The following SLC26A5 variants were observed in gnomAD, a reference collection of about 807,000 sequenced individuals.
SLC26A5 encodes solute carrier family 26 member 5.
SLC26A5 carries 51 observed loss-of-function variants against 81.0 expected under a neutral mutation model. The ratio of observed to expected loss-of-function variants is 0.63; its 90% CI spans 0.50 to 0.80. The LOEUF (loss-of-function observed/expected upper bound fraction) is 0.80, where lower values mean the gene tolerates loss of function less well. Ranked by LOEUF, SLC26A5 falls within the 30% of genes least tolerant of loss-of-function variation. The probability of loss-of-function intolerance (pLI) is 0.00; values close to 1 mark genes in which losing one functional copy is unlikely to be tolerated. For missense variants in SLC26A5, 771 were observed against 905.8 expected, an observed-to-expected ratio of 0.85 and a Z score of 1.91; for synonymous variants, 325 against 332.8, an observed-to-expected ratio of 0.98 and a Z score of 0.25.
At chr7:103,382,884 G>A (rs1821912847) in intron 14 of SLC26A5, among the ~76,000 whole-genome samples, 1 of 152,182 alleles carries the variant, frequency 6.6e-6, no homozygotes. Flanking sequence ...CTTGCCAGAG[G>A]CAGAATATGG....
chr7:103,406,310 G>T (rs1157987398), intron 8 of SLC26A5, among the ~76,000 whole-genome samples: 1 of 152,188 alleles, frequency 6.6e-6, no homozygotes, highest in Admixed American at 6.5e-5. Context: ...TCTTGGTGGT[G>T]TAGGCACCCA....
intron 19 of SLC26A5, chr7:103,362,616 A>G: frequency 1.3e-6 from 2 of 1,491,548 alleles, no homozygotes; most frequent in Non-Finnish European, 9.3e-7. Context: ...TTTGGGGATA[A>G]AGGACTAAAC....
chr7:103,421,687 G>T (rs577108408), intron 2 of SLC26A5, 120 bp from the exon 3 acceptor site: 1 of 676,148 alleles, frequency 1.5e-6, no homozygotes, highest in Non-Finnish European at 2.6e-6. Flanking sequence ...CGCCCCAGAG[G>T]ACCTAATGTA....
intron 4 of SLC26A5, among the ~76,000 whole-genome samples, chr7:103,415,824 C>G (rs1824861315): frequency 6.6e-6 from 1 of 152,124 alleles, no homozygotes; most frequent in South Asian, 2.1e-4. Context: ...TTCTCTCAGT[C>G]TGAAAACACA....
At position 103,361,510 on chromosome 7, in the gene SLC26A5, CAAAAAAAAAAAA is replaced by C. The variant is rs759044767; in HGVS notation, c.2042-8596_2042-8585del. On this transcript the variant is annotated intron_variant, in intron 19 of 19. Coordinates refer to the SLC26A5 transcript ENST00000339444. ...GGGCAACAAGAGTGAAACTCCATCTCAAAAAAAAAAAAAAAAAAAAAAAGAAAAACGGATTTA... is the reference window on the plus strand; with the variant it reads ...GGGCAACAAGAGTGAAACTCCATCTCAAAAAAAAAAAGAAAAACGGATTTA... Among the ~76,000 whole-genome samples, 7 of 51,076 alleles carry C rather than the reference CAAAAAAAAAAAA, an allele frequency of 1.4e-4. No homozygotes were observed. The South Asian group carries it at 2.5e-3, about 19-fold the overall frequency. The allele number at this position is 51,076 out of a possible 152,430, so 33.5% of individuals were successfully genotyped here.
intron 9 of SLC26A5, among the ~76,000 whole-genome samples, chr7:103,397,711 C>T (rs1033333485): frequency 4.8e-5 from 5 of 103,494 alleles, no homozygotes; most frequent in African/African-American, 9.6e-5. Flanking sequence ...AGTGAGACTT[C>T]GTCTCAAAAA....
At chr7:103,371,426 G>A (rs1049229058), downstream of SLC26A5, among the ~76,000 whole-genome samples, 6 of 145,348 alleles carry the variant, frequency 4.1e-5, no homozygotes, top group Admixed American at 4.2e-4. Flanking sequence ...CCGGGTTCAC[G>A]CCATTCTCCT....
At chr7:103,378,079 A>T (rs531809412) in intron 17 of SLC26A5, among the ~76,000 whole-genome samples, 6 of 152,146 alleles carry the variant, frequency 3.9e-5, no homozygotes, top group Non-Finnish European at 8.8e-5. Context: ...ATTTTCTGCT[A>T]AAGTCTAAAA....
intron 19 of SLC26A5, among the ~76,000 whole-genome samples, chr7:103,357,814 C>T (rs917992735): frequency 4.0e-5 from 6 of 148,564 alleles, no homozygotes; most frequent in African/African-American, 1.6e-4. Context: ...ATGAACTCAA[C>T]CTCCCACTTT....
At chr7:103,389,847 C>T (rs1350519891) in intron 12 of SLC26A5, among the ~76,000 whole-genome samples, 1 of 152,082 alleles carries the variant, frequency 6.6e-6, no homozygotes, top group African/African-American at 2.4e-5. Context: ...AGGCTGGTCT[C>T]GAACTCCTAA....
chr7:103,378,342 T>G (rs1435137806), intron 17 of SLC26A5, 104 bp downstream of exon 17: 2 of 1,159,354 alleles, frequency 1.7e-6, no homozygotes, highest in African/African-American at 3.0e-5. Flanking sequence ...TAAACTTTCC[T>G]CTTTTAGTAA....
chr7:103,390,993 G>A (rs1822599426), intron 11 of SLC26A5, among the ~76,000 whole-genome samples: 1 of 151,748 alleles, frequency 6.6e-6, no homozygotes, highest in Non-Finnish European at 1.5e-5. Context: ...AGCCTCCCAA[G>A]TAGCTGGGAC....
intron 18 of SLC26A5, 57 bp from the exon 19 acceptor site, chr7:103,376,919 C>A: frequency 1.7e-6 from 2 of 1,176,470 alleles, no homozygotes; most frequent in South Asian, 2.5e-5. Context: ...AGATGAAAGT[C>A]TCTTTTTACC....
chr7:103,444,425 C>T (rs527815605), intron 1 of SLC26A5, among the ~76,000 whole-genome samples: 1 of 152,312 alleles, frequency 6.6e-6, no homozygotes, highest in East Asian at 1.9e-4. Context: ...GGGGGCAACA[C>T]ATGATATTTA....
chr7:103,439,560 G>C (rs1283323995), intron 2 of SLC26A5, among the ~76,000 whole-genome samples: 1 of 120,786 alleles, frequency 8.3e-6, no homozygotes, highest in Non-Finnish European at 1.6e-5. Flanking sequence ...TTGAGACAGA[G>C]TCTCACTCTG....
intron 2 of SLC26A5, among the ~76,000 whole-genome samples, chr7:103,434,464 T>G (rs1037508863): frequency 3.3e-5 from 5 of 152,170 alleles, no homozygotes; most frequent in African/African-American, 1.2e-4. Context: ...AACCTCACAC[T>G]TTTCCTCAAC....
downstream of SLC26A5, among the ~76,000 whole-genome samples, chr7:103,369,966 T>C (rs1189468739): frequency 6.6e-6 from 1 of 152,164 alleles, no homozygotes; most frequent in African/African-American, 2.4e-5. Context: ...AGGTGGAGTT[T>C]TAAGATGCTC....
chr7:103,374,944 T>C (rs1821247138), intron 19 of SLC26A5, among the ~76,000 whole-genome samples: 1 of 149,846 alleles, frequency 6.7e-6, no homozygotes, highest in Non-Finnish European at 1.5e-5. Context: ...TAAATATAAG[T>C]ATGTATTCTT....
intron 12 of SLC26A5, 152 bp downstream of exon 12, chr7:103,390,277 G>A (rs943950341): frequency 1.1e-4 from 80 of 756,046 alleles, no homozygotes; most frequent in Non-Finnish European, 1.8e-4. Context: ...AGGTTATAGA[G>A]CAGGATCTTG....
Sources: gnomAD v4.1 joint callset for allele counts (sites outside exome capture counted in the v4.1 genomes callset) on GRCh38, gnomAD v4.1.1 for gene constraint, MANE v1.5 for transcripts, NCBI Gene and HGNC (gene_info 2026-07-23, HGNC 2026-07-21) for gene names.